Variants in RASGRP3 observed in about 807,000 individuals in gnomAD.
The protein encoded by RASGRP3 is ras guanyl-releasing protein 3.
A neutral mutation model predicts 82.7 loss-of-function variants in RASGRP3; 54 were observed. The observed-to-expected ratio is 0.65, with a 90% CI of 0.52 to 0.82. The LOEUF (loss-of-function observed/expected upper bound fraction) is 0.82. Ranked by LOEUF, RASGRP3 falls within the 40% of genes least tolerant of loss-of-function variation. The probability of loss-of-function intolerance (pLI) is 0.00; values close to 1 mark genes in which losing one functional copy is unlikely to be tolerated. For synonymous variants in RASGRP3, 309 were observed against 300.5 expected (o/e 1.03, Z -0.29); for missense variants, 861 against 828.9 (o/e 1.04, Z -0.48).
intron 2 of RASGRP3, among the ~76,000 whole-genome samples, chr2:33,464,481 A>ATT (rs1666572522): frequency 2.7e-5 from 4 of 147,620 alleles, no homozygotes; most frequent in East Asian, 4.0e-4. Flanking sequence ...CTTTTTTTAA[A>ATT]AAAAAAAAAA....
intron 17 of RASGRP3, among the ~76,000 whole-genome samples, chr2:33,561,475 G>A (rs779426897): frequency 2.0e-5 from 3 of 152,060 alleles, no homozygotes; most frequent in African/African-American, 4.8e-5. Flanking sequence ...GCATATATAT[G>A]GTATACAGTT....
At chr2:33,520,813 G>A in intron 6 of RASGRP3, 129 bp downstream of exon 6, 1 of 1,277,340 alleles carries the variant, frequency 7.8e-7, no homozygotes, top group Non-Finnish European at 1.1e-6. Flanking sequence ...GGAAAGCCTT[G>A]CTGCAGTGAG....
chr2:33,472,780 C>T (rs1016994565), upstream of RASGRP3, among the ~76,000 whole-genome samples: 1 of 149,904 alleles, frequency 6.7e-6, no homozygotes, highest in Non-Finnish European at 1.5e-5. Flanking sequence ...CATGGTGAAA[C>T]CCCGTCTCTA....
chr2:33,500,802 C>T (rs553320274), intron 1 of RASGRP3, among the ~76,000 whole-genome samples: 4 of 152,184 alleles, frequency 2.6e-5, no homozygotes, highest in South Asian at 2.1e-4. Flanking sequence ...GACATGGTGG[C>T]GCGCACCTGT....
rs1281226759 is a variant in RASGRP3, at chr2:33,515,000, T to C, written c.-127-10T>C. The C allele has an allele frequency of 3.9e-6, 3 of 765,714 alleles. No individual in the cohort carries two copies. Among genetic ancestry groups the C allele is most frequent in the Non-Finnish European group, 6.6e-6 (3 of 454,514 alleles). 47.4% of individuals were successfully genotyped at this position (765,714 alleles called of 1,614,324 possible). A position where few individuals can be genotyped will look rare whatever the true frequency, so the allele number is the denominator to read the frequency against. On this transcript the variant is annotated splice_polypyrimidine_tract_variant and intron_variant, in intron 2 of 17. Transcript: ENST00000403687. The stretch of plus-strand genomic sequence containing the variant: ...TCTAATAACTTTCTCTCTTTTTTCT[T>C]TTTTTTTAGAGTTTTCTTGAAGTAC...
At chr2:33,544,219 C>T (rs569792785) in intron 13 of RASGRP3, among the ~76,000 whole-genome samples, 132 of 151,954 alleles carry the variant, frequency 8.7e-4, no homozygotes, top group African/African-American at 2.8e-3. Context: ...GTGGCTGAGG[C>T]GGGAGAATTG....
intron 2 of RASGRP3, among the ~76,000 whole-genome samples, chr2:33,458,956 A>G (rs867015544): frequency 6.6e-6 from 1 of 152,222 alleles, no homozygotes; most frequent in Non-Finnish European, 1.5e-5. Context: ...TAACTTTGAC[A>G]AATTTTAATC....
intron 11 of RASGRP3, among the ~76,000 whole-genome samples, chr2:33,536,392 C>G (rs147081101): frequency 6.6e-6 from 1 of 151,080 alleles, no homozygotes; most frequent in Non-Finnish European, 1.5e-5. Flanking sequence ...GTATCTCACT[C>G]GGATCAAACA....
At chr2:33,455,783 AT>A (rs1172801528) in intron 2 of RASGRP3, among the ~76,000 whole-genome samples, 1 of 152,208 alleles carries the variant, frequency 6.6e-6, no homozygotes, top group East Asian at 1.9e-4. Flanking sequence ...TTTAGTTCAA[AT>A]TCCTTAAAGG....
chr2:33,540,556 TTG>T (rs377215232), intron 12 of RASGRP3, among the ~76,000 whole-genome samples: 7,903 of 37,900 alleles, frequency 0.21, 568 homozygotes, highest in Middle Eastern at 0.32. Flanking sequence ...TGTGTGTGTT[TTG>T]TGTGTGTGTG....
At position 33,451,895 on chromosome 2, in the gene RASGRP3, CT is replaced by C. The variant is rs555481189; in HGVS notation, c.-261+3958del. ...GATATTGTTTCATAAATCCTATAGG[CT>C]TTTTTCATTCTTACTTCTTCTTTGT... On this transcript the variant is annotated intron_variant, in intron 2 of 18. Transcript: ENST00000402538. Among the ~76,000 whole-genome samples the C allele has an allele frequency of 9.2e-3, 1,395 of 152,094 alleles. 15 individuals are homozygous for C. The highest frequency in any genetic ancestry group is 0.013 in the Non-Finnish European group (896 of 67,968).
chr2:33,481,668 G>T (rs1230472717), intron 1 of RASGRP3: 1 of 152,192 alleles, frequency 6.6e-6, no homozygotes, highest in Admixed American at 6.5e-5. Flanking sequence ...AACAGGGTCA[G>T]CTTAGTCTTC....
intron 13 of RASGRP3, among the ~76,000 whole-genome samples, chr2:33,547,251 C>T (rs1489624215): frequency 6.7e-6 from 1 of 150,202 alleles, no homozygotes; most frequent in East Asian, 1.9e-4. Context: ...GCTGGTGCCT[C>T]CTTGATGGCG....
upstream of RASGRP3, among the ~76,000 whole-genome samples, chr2:33,472,754 G>A (rs13408874): frequency 0.23 from 33,852 of 149,248 alleles, 4,133 homozygotes; most frequent in South Asian, 0.32. Context: ...CAGGTGTTCG[G>A]GACCATCCTG....
intron 11 of RASGRP3, among the ~76,000 whole-genome samples, chr2:33,537,320 A>ACACACCACCC (rs771052774): frequency 2.7e-4 from 9 of 33,332 alleles, no homozygotes; most frequent in East Asian, 2.5e-3. Flanking sequence ...ACACACACAC[A>ACACACCACCC]CCGCCCCCCC....
chr2:33,484,379 T>C (rs1263962995), intron 1 of RASGRP3, among the ~76,000 whole-genome samples: 1 of 152,188 alleles, frequency 6.6e-6, no homozygotes, highest in Non-Finnish European at 1.5e-5. Context: ...AATCTCCATA[T>C]TTGGTTCTGG....
intron 1 of RASGRP3, among the ~76,000 whole-genome samples, chr2:33,491,831 A>G (rs187420993): frequency 2.8e-4 from 43 of 152,336 alleles, no homozygotes; most frequent in African/African-American, 1.0e-3. Context: ...AGGCTGGTGG[A>G]CAGCACAGCA....
intron 13 of RASGRP3, among the ~76,000 whole-genome samples, chr2:33,546,315 C>T (rs62149027): frequency 0.29 from 44,027 of 150,740 alleles, 7,221 homozygotes; most frequent in Middle Eastern, 0.44. Flanking sequence ...CCCAGCTACT[C>T]GGGAGGCTGA....
At chr2:33,459,118 G>T (rs1317506637) in intron 2 of RASGRP3, among the ~76,000 whole-genome samples, 1 of 152,032 alleles carries the variant, frequency 6.6e-6, no homozygotes, top group Admixed American at 6.6e-5. Context: ...GATCCTCAAA[G>T]TGGACATTTC....
Sources: allele counts gnomAD v4.1 joint callset (sites outside exome capture counted in the v4.1 genomes callset), GRCh38; gene constraint gnomAD v4.1.1; transcripts MANE v1.5; gene names NCBI Gene and HGNC (gene_info 2026-07-23, HGNC 2026-07-21).